TEX14: variants seen among roughly 807,000 people sequenced by gnomAD.
TEX14 encodes testis expressed 14, intercellular bridge forming factor.
Under a neutral mutation model 178.6 loss-of-function variants are expected in TEX14, and 168 were observed. The ratio of observed to expected loss-of-function variants is 0.94; its 90% CI spans 0.83 to 1.07. The LOEUF (loss-of-function observed/expected upper bound fraction) is 1.07, where lower values mean the gene tolerates loss of function less well. Ranked by LOEUF, TEX14 falls within the 50% of genes least tolerant of loss-of-function variation. The pLI, the probability that TEX14 is intolerant of heterozygous loss-of-function variation, is 0.00. For synonymous variants in TEX14, 626 were observed against 634.1 expected (o/e 0.99, Z 0.19); for missense variants, 1,730 against 1,753.6 (o/e 0.99, Z 0.24).
chr17:58,564,340 GA>G (rs1409291934), intron 28 of TEX14: 1 of 152,190 alleles, frequency 6.6e-6, no homozygotes, highest in Non-Finnish European at 1.5e-5. Flanking sequence ...CCTTAAAAAA[GA>G]AGGAAATGCT....
At chr17:58,625,389 C>A (rs1227196127) in intron 3 of TEX14, among the ~76,000 whole-genome samples, 2 of 152,184 alleles carry the variant, frequency 1.3e-5, no homozygotes, top group African/African-American at 4.8e-5. Flanking sequence ...CCCGCCTCAT[C>A]CTCCCAAAGT....
chr17:58,654,059 T>A (rs759726486), intron 1 of TEX14, among the ~76,000 whole-genome samples: 2 of 152,106 alleles, frequency 1.3e-5, no homozygotes. Flanking sequence ...GCGCCTGTAG[T>A]CCCAGCTACT....
intron 14 of TEX14, among the ~76,000 whole-genome samples, chr17:58,596,191 T>C (rs189042955): frequency 6.8e-6 from 1 of 146,898 alleles, no homozygotes; most frequent in Admixed American, 6.8e-5. Context: ...TTTAAAAATT[T>C]AAAAAAAAAA....
At chr17:58,650,180 C>T (rs1459028207) in intron 2 of TEX14, among the ~76,000 whole-genome samples, 1 of 151,976 alleles carries the variant, frequency 6.6e-6, no homozygotes, top group African/African-American at 2.4e-5. Flanking sequence ...GCCTCAGCCT[C>T]CCAAGTAGCT....
intron 2 of TEX14, among the ~76,000 whole-genome samples, chr17:58,634,032 T>C (rs1211787594): frequency 6.7e-6 from 1 of 148,826 alleles, no homozygotes; most frequent in Non-Finnish European, 1.5e-5. Context: ...GAGGAAAACC[T>C]GGAAGAAATG....
intron 10 of TEX14, among the ~76,000 whole-genome samples, chr17:58,607,169 G>A (rs1598381145): frequency 6.6e-6 from 1 of 152,108 alleles, no homozygotes; most frequent in Non-Finnish European, 1.5e-5. Context: ...TGGGATTGAA[G>A]GCTACTTTGG....
rs764513092 is a variant in TEX14 at position 58,605,472 on chromosome 17, T to C, written c.1185-343A>G. ...TTGCCTCTGAAGGCTGACAACCTCTTTGAGTTCCTGGAAACCTAGCTAGAC... is the reference window on the plus strand; with the variant it reads ...TTGCCTCTGAAGGCTGACAACCTCTCTGAGTTCCTGGAAACCTAGCTAGAC... On this transcript the variant is annotated intron_variant, in intron 10 of 31. Coordinates refer to ENST00000349033, the MANE Select transcript of TEX14 (RefSeq NM_031272.5). Among the ~76,000 whole-genome samples, 5 of 152,216 alleles carry C rather than the reference T, an allele frequency of 3.3e-5. 1 individual carries two copies. Among genetic ancestry groups the C allele is most frequent in the Non-Finnish European group, 7.3e-5 (5 of 68,028 alleles).
chr17:58,573,866 A>G (rs904861579), intron 22 of TEX14, among the ~76,000 whole-genome samples: 2 of 152,226 alleles, frequency 1.3e-5, no homozygotes, highest in African/African-American at 4.8e-5. Context: ...ACATATCAGC[A>G]GCTAAAAATA....
chr17:58,682,859 T>C (rs1452864873), intron 1 of TEX14, among the ~76,000 whole-genome samples: 1 of 152,072 alleles, frequency 6.6e-6, no homozygotes, highest in African/African-American at 2.4e-5. Context: ...AATGTTACTG[T>C]TATAATCCTC....
At chr17:58,623,125 A>T in intron 3 of TEX14, 113 bp from the exon 4 acceptor site, 1 of 905,670 alleles carries the variant, frequency 1.1e-6, no homozygotes, top group Non-Finnish European at 1.6e-6. Context: ...GTTGGTGACG[A>T]GGAATATAAC....
At chr17:58,587,779 T>C in intron 16 of TEX14, 113 bp from the exon 17 acceptor site, 1 of 1,153,930 alleles carries the variant, frequency 8.7e-7, no homozygotes, top group Non-Finnish European at 1.3e-6. Flanking sequence ...GAGGACCTGT[T>C]CCCTACTCCC....
At chr17:58,618,647 C>G (rs6503872) in intron 5 of TEX14, among the ~76,000 whole-genome samples, 1 of 152,136 alleles carries the variant, frequency 6.6e-6, no homozygotes, top group Non-Finnish European at 1.5e-5. Flanking sequence ...TGGCAAATGG[C>G]AAAGGAGCTG....
intron 1 of TEX14, chr17:58,666,458 C>CAAACAAAAAAAAAAAA (rs1555583923): frequency 1.4e-4 from 5 of 36,812 alleles, no homozygotes; most frequent in African/African-American, 2.1e-4. Context: ...CCTTCCACGG[C>CAAACAAAAAAAAAAAA]AAAAAAAAAA....
chr17:58,606,203 T>A (rs1261896836), intron 10 of TEX14, among the ~76,000 whole-genome samples: 1 of 151,994 alleles, frequency 6.6e-6, no homozygotes, highest in East Asian at 1.9e-4. Flanking sequence ...CCAGCAAGAG[T>A]CCTCAGGGTA....
At chr17:58,678,649 G>A (rs1159430607) in intron 1 of TEX14, among the ~76,000 whole-genome samples, 1 of 151,908 alleles carries the variant, frequency 6.6e-6, no homozygotes, top group Non-Finnish European at 1.5e-5. Flanking sequence ...ACGGGGTGGG[G>A]AACATCATAC....
At chr17:58,577,352 C>A in intron 21 of TEX14, 23 bp downstream of exon 21, 1 of 1,082,484 alleles carries the variant, frequency 9.2e-7, no homozygotes. Context: ...TTTGAAACTG[C>A]ATAAGATAAT....
Position 58,559,561 on chromosome 17 carries a change from C to T in TEX14, c.4159G>A (p.Glu1387Lys), listed in dbSNP as rs147575609. 1.5e-4 allele frequency: 215 copies of T among 1,441,920 alleles called. 2 individuals are homozygous for T. In the African/African-American group the frequency reaches 2.9e-3, roughly 19 times the overall value. 89.3% of individuals were successfully genotyped at this position (1,441,920 alleles called of 1,614,324 possible). A position where few individuals can be genotyped will look rare whatever the true frequency, so the allele number is the denominator to read the frequency against. ...ACTTTTTGATCTTTGATATTTGTCT[C>T]CCTGTAACAACAATTATTTGGGGAA... ...LQDLPKGSERETNIKDQKVGE... is the reference protein window; with the variant it reads ...LQDLPKGSERKTNIKDQKVGE... The change falls in exon 30 of 32, where the codon GAG becomes AAG. Residue 1387 changes from glutamate (E) to lysine (K), a missense_variant and splice_region_variant. By Grantham distance (56) the Glu-to-Lys change is moderately conservative (BLOSUM62 1). Transcript: ENST00000349033.
chr17:58,586,486 T>C (rs1011321815), intron 17 of TEX14, among the ~76,000 whole-genome samples: 4 of 152,220 alleles, frequency 2.6e-5, no homozygotes, highest in African/African-American at 9.6e-5. Context: ...TTGGAATGCA[T>C]ACATATATGC....
rs535723639 is a variant in TEX14, at chr17:58,600,245, C to G, written c.1679-579G>C. 1.6e-4 allele frequency among the ~76,000 whole-genome samples: 25 copies of G among 152,272 alleles called. 1 individual carries two copies. The East Asian group carries it at 1.7e-3, about 11-fold the overall frequency. On this transcript the variant is annotated intron_variant, in intron 13 of 31. Coordinates refer to ENST00000349033, the MANE Select transcript of TEX14 (RefSeq NM_031272.5). ...GCATCTGATAACAGTAGCCTAGGGC[C>G]AGGCGTGGTGGTTCACGCCTGTAAT...
Sources: allele counts gnomAD v4.1 joint callset (sites outside exome capture counted in the v4.1 genomes callset), GRCh38; gene constraint gnomAD v4.1.1; transcripts MANE v1.5; gene names NCBI Gene and HGNC (gene_info 2026-07-23, HGNC 2026-07-21).